Variants in MYO16 observed in about 807,000 individuals in gnomAD.
MYO16 encodes the protein unconventional myosin-XVI.
MYO16 carries 94 observed loss-of-function variants against 205.3 expected under a neutral mutation model. That is an observed-to-expected ratio of 0.46 (90% CI 0.39 to 0.54). MYO16 has a LOEUF of 0.54. MYO16 is among the 20% of genes least tolerant of loss of function. The probability of loss-of-function intolerance (pLI) is 0.00; values close to 1 mark genes in which losing one functional copy is unlikely to be tolerated. For synonymous variants in MYO16, 988 were observed against 954.0 expected (o/e 1.04, Z -0.66); for missense variants, 2,315 against 2,387.5 (o/e 0.97, Z 0.63).
rs151007439 is a variant in MYO16, at chr13:109,127,456, G to C, written c.3957G>C (p.Pro1319=). ...TCCCGTCTCCACGGAAACAGCCCCC[G>C]CCCAAGCCAAAGAGGGACCCCAACA... ...SSLPSPRKQP[P]PKPKRDPNTR... is the part of the protein sequence containing the mutation. Residue 1319 remains proline (P), a synonymous_variant, in exon 31 of 35, where the codon CCG becomes CCC. Transcript: ENST00000457511. The surrounding 1 kb of genome is among the most constrained non-coding windows in gnomAD (Gnocchi z 4.2). 1 of 1,613,836 alleles carries C rather than the reference G, an allele frequency of 6.2e-7. No homozygotes were observed. The highest frequency in any genetic ancestry group is 8.5e-7 in the Non-Finnish European group (1 of 1,179,974).
At chr13:108,573,592 A>T in the MYO16 span, among the ~76,000 whole-genome samples, 3 of 152,202 alleles carry the variant, frequency 2.0e-5, no homozygotes, top group African/African-American at 7.2e-5. Flanking sequence ...AACAAGAAAG[A>T]AAGTAGGATA....
intron 1 of MYO16, among the ~76,000 whole-genome samples, chr13:108,599,549 C>T (rs950209416): frequency 6.6e-6 from 1 of 152,128 alleles, no homozygotes; most frequent in Non-Finnish European, 1.5e-5. Context: ...TCATAGGTCA[C>T]AGTCAGCTTA....
chr13:108,600,392 C>T (rs986997487), intron 1 of MYO16, among the ~76,000 whole-genome samples: 1 of 152,150 alleles, frequency 6.6e-6, no homozygotes. Flanking sequence ...TGAAATAACA[C>T]AATGCATCAA....
At chr13:108,959,680 T>C (rs1404807336) in intron 17 of MYO16, among the ~76,000 whole-genome samples, 2 of 152,174 alleles carry the variant, frequency 1.3e-5, no homozygotes, top group Non-Finnish European at 2.9e-5. Flanking sequence ...ACACTGGTGA[T>C]TGTGGTCCTG....
the MYO16 span, among the ~76,000 whole-genome samples, chr13:108,554,178 C>T: frequency 6.6e-6 from 1 of 151,898 alleles, no homozygotes; most frequent in Non-Finnish European, 1.5e-5. Context: ...AGAAATTGTA[C>T]ACTGTGGAAT....
rs1168781917 is a variant in MYO16 at position 108,784,726 on chromosome 13, C to T, written c.508-909C>T. ...ACAGAATACTATTTTGTAAAAGGAA[C>T]GGGGAAAACTTTCCTTTGTCTGGCC... On this transcript the variant is annotated intron_variant, in intron 4 of 34. Coordinates refer to ENST00000457511, the MANE Select transcript of MYO16 (RefSeq NM_001198950.3). 7.2e-5 allele frequency among the ~76,000 whole-genome samples: 11 copies of T among 152,216 alleles called. No homozygotes were observed. In the South Asian group the frequency reaches 8.3e-4, roughly 11 times the overall value.
At chr13:109,167,964 A>T (rs1455821198) in intron 33 of MYO16, among the ~76,000 whole-genome samples, 4 of 152,172 alleles carry the variant, frequency 2.6e-5, no homozygotes, top group African/African-American at 7.2e-5. Context: ...AAGAATAACT[A>T]AAAAGGCAGT....
chr13:108,620,259 T>G (rs183123419), intron 1 of MYO16, among the ~76,000 whole-genome samples: 1 of 152,196 alleles, frequency 6.6e-6, no homozygotes, highest in Non-Finnish European at 1.5e-5. Context: ...AATATTCACT[T>G]AGAAGCTTAT....
intron 20 of MYO16, among the ~76,000 whole-genome samples, chr13:108,990,516 G>GAA (rs5806773): frequency 6.6e-6 from 1 of 151,276 alleles, no homozygotes; most frequent in Non-Finnish European, 1.5e-5. Context: ...ACTGAAATCA[G>GAA]AAAAAAAAAT....
chr13:108,613,430 G>C (rs1422551224), intron 1 of MYO16, among the ~76,000 whole-genome samples: 2 of 151,918 alleles, frequency 1.3e-5, no homozygotes, highest in African/African-American at 4.8e-5. Flanking sequence ...TATGTTCATG[G>C]AAGTTATCCT....
intron 4 of MYO16, among the ~76,000 whole-genome samples, chr13:108,769,100 A>G (rs1476077226): frequency 2.6e-5 from 4 of 152,336 alleles, no homozygotes; most frequent in East Asian, 3.9e-4. Context: ...CCAGGAGGGT[A>G]TACTATCAGT....
intron 24 of MYO16, among the ~76,000 whole-genome samples, chr13:109,047,459 T>C (rs867193219): frequency 1.1e-3 from 171 of 152,244 alleles, no homozygotes; most frequent in African/African-American, 3.8e-3. Context: ...AGTATATATA[T>C]GTATACACAA....
intron 20 of MYO16, among the ~76,000 whole-genome samples, chr13:108,990,601 A>C (rs1035093475): frequency 6.6e-6 from 1 of 152,164 alleles, no homozygotes; most frequent in Admixed American, 6.5e-5. Context: ...TGTACACACT[A>C]TGAGTTATAA....
intron 6 of MYO16, among the ~76,000 whole-genome samples, chr13:108,797,585 A>G (rs1268555126): frequency 1.3e-5 from 2 of 152,190 alleles, no homozygotes; most frequent in Non-Finnish European, 2.9e-5. Flanking sequence ...GGAATTGTGA[A>G]TTGGTTATTG....
At chr13:108,833,190 C>T (rs1279635806) in intron 9 of MYO16, among the ~76,000 whole-genome samples, 1 of 151,492 alleles carries the variant, frequency 6.6e-6, no homozygotes, top group African/African-American at 2.4e-5. Context: ...CAGCCAATGA[C>T]ACATTGAAAG....
the MYO16 span, among the ~76,000 whole-genome samples, chr13:108,522,821 C>T: frequency 6.6e-6 from 1 of 151,646 alleles, no homozygotes; most frequent in African/African-American, 2.4e-5. Flanking sequence ...TAAATTTCTG[C>T]ATTTCATAAG....
At chr13:109,153,919 C>G (rs1289123142) in intron 32 of MYO16, among the ~76,000 whole-genome samples, 4 of 152,204 alleles carry the variant, frequency 2.6e-5, no homozygotes, top group Admixed American at 2.6e-4. Context: ...CTCAGCCTTT[C>G]TCTACTGCGT....
rs954884429 is a variant in MYO16, at chr13:109,127,017, G to A, written c.3783-265G>A. Among the ~76,000 whole-genome samples the A allele has an allele frequency of 1.3e-5, 2 of 152,186 alleles. No homozygotes were observed. The highest frequency in any genetic ancestry group is 2.9e-5 in the Non-Finnish European group (2 of 68,034). On this transcript the variant is annotated intron_variant, in intron 30 of 34. Transcript: ENST00000457511. The surrounding 1 kb of genome is among the most constrained non-coding windows in gnomAD (Gnocchi z 4.2). ...TGCGAAGGCCCTTAAGTAGTGTTGC[G>A]TTTGTGTGAGAATGTTTAAAAAGTA...
intron 4 of MYO16, 77 bp from the exon 5 acceptor site, chr13:108,785,558 A>G: frequency 1.3e-6 from 1 of 781,974 alleles, no homozygotes; most frequent in Non-Finnish European, 1.9e-6. Context: ...TTTCCCAACT[A>G]AGATTGAAGT....
Sources: allele counts gnomAD v4.1 joint callset (sites outside exome capture counted in the v4.1 genomes callset), GRCh38; gene constraint gnomAD v4.1.1; non-coding constraint Gnocchi (gnomAD v3.1); transcripts MANE v1.5; gene names NCBI Gene and HGNC (gene_info 2026-07-23, HGNC 2026-07-21).